Variants in UNC79 observed in about 807,000 individuals in gnomAD.
UNC79 encodes unc-79 subunit of NALCN channel complex.
UNC79 carries 37 observed loss-of-function variants against 283.1 expected under a neutral mutation model. That is an observed-to-expected ratio of 0.13 (90% confidence interval 0.10 to 0.17). The LOEUF is 0.17. UNC79 is among the 10% of genes least tolerant of loss of function. UNC79 has a pLI of 1.00. For synonymous variants in UNC79, 1,107 were observed against 1,200.2 expected (o/e 0.92, Z 1.61); for missense variants, 2,272 against 3,211.1 (o/e 0.71, Z 7.07).
chr14:93,524,126 T>G (rs1012910009), intron 8 of UNC79, 84 bp downstream of exon 8: 6 of 1,468,976 alleles, frequency 4.1e-6, no homozygotes, highest in Middle Eastern at 3.5e-4. Flanking sequence ...CATCCTTCTC[T>G]GTAAAGCAGA....
At chr14:93,442,689 C>T (rs752977524) in intron 1 of UNC79, among the ~76,000 whole-genome samples, 3 of 152,066 alleles carry the variant, frequency 2.0e-5, no homozygotes, top group Non-Finnish European at 4.4e-5. Context: ...TTTTTGTTTA[C>T]GTGGAAATAG....
chr14:93,544,086 A>G (rs977833869), intron 14 of UNC79, among the ~76,000 whole-genome samples: 6 of 152,192 alleles, frequency 3.9e-5, no homozygotes, highest in Admixed American at 2.0e-4. Context: ...ATAGTGAAGG[A>G]TTGATGTGAC....
chr14:93,594,202 C>G (rs2064891860), intron 23 of UNC79, among the ~76,000 whole-genome samples: 1 of 152,158 alleles, frequency 6.6e-6, no homozygotes, highest in African/African-American at 2.4e-5. Flanking sequence ...TGCACATTAT[C>G]TGGCCACATC....
intron 47 of UNC79, 75 bp downstream of exon 50, chr14:93,694,487 T>C: frequency 7.3e-7 from 1 of 1,367,946 alleles, no homozygotes; most frequent in Non-Finnish European, 1.0e-6. Flanking sequence ...TGAAGGTACT[T>C]TCTGAAGATA....
rs576901653 is a variant in UNC79, at chr14:93,497,475, TG to T, written c.898+191del. The stretch of plus-strand genomic sequence containing the variant: ...TTCAAATCAATTTCAAAAGCATTTA[TG>T]GCCTCAGGGCAAATTGCCTTAAGTC... On this transcript the variant is annotated intron_variant, in intron 7 of 48. Transcript: ENST00000555664. 1.0e-3 allele frequency among the ~76,000 whole-genome samples: 157 copies of T among 152,374 alleles called. 1 individual carries two copies. The highest frequency in any genetic ancestry group is 3.6e-3 in the African/African-American group (148 of 41,590).
chr14:93,683,128 A>G (rs1055604438), intron 42 of UNC79, among the ~76,000 whole-genome samples: 2 of 151,628 alleles, frequency 1.3e-5, no homozygotes, highest in East Asian at 3.8e-4. Flanking sequence ...GAATGACTAA[A>G]CTATGTTTTT....
intron 38 of UNC79, among the ~76,000 whole-genome samples, chr14:93,655,824 T>A (rs1306228681): frequency 6.6e-6 from 1 of 152,184 alleles, no homozygotes; most frequent in African/African-American, 2.4e-5. Context: ...AATTGCTGTG[T>A]TTGTGAATGA....
exon 20 of UNC79, chr14:93,582,287 C>A (rs1236222702): frequency 6.2e-7 from 1 of 1,614,180 alleles, no homozygotes; most frequent in Non-Finnish European, 8.5e-7. Context: ...GGAGGAGAAT[C>A]CTGCAAGCAA....
chr14:93,338,821 A>G (rs1161433509), intron 1 of UNC79, among the ~76,000 whole-genome samples: 2 of 152,210 alleles, frequency 1.3e-5, no homozygotes, highest in Non-Finnish European at 2.9e-5. Flanking sequence ...AGGTGGGAGG[A>G]TCATTTGAGC....
At position 93,646,662 on chromosome 14, in the gene UNC79, G is replaced by T. The variant is rs17129147; in HGVS notation, c.6083+16G>T. ...AAGCAGAAAGGTAAGGTCCTAACGGGAGCCCAGATCTCACTTTCTTTTCTC... is the reference window on the plus strand; with the variant it reads ...AAGCAGAAAGGTAAGGTCCTAACGGTAGCCCAGATCTCACTTTCTTTTCTC... On this transcript the variant is annotated intron_variant, in intron 35 of 48. Transcript: ENST00000555664. 13,556 of 1,613,232 alleles carry T rather than the reference G, an allele frequency of 8.4e-3. 693 individuals are homozygous for T. In the African/African-American group the frequency reaches 0.14, roughly 16 times the overall value.
chr14:93,686,445 A>G, intron 42 of UNC79, 127 bp from the exon 46 acceptor site: 1 of 933,816 alleles, frequency 1.1e-6, no homozygotes. Context: ...AGCTGAGAGT[A>G]ATGGAGTGAG....
At chr14:93,521,639 AAAATAGTGTTTC>A (rs1321534368) in intron 7 of UNC79, among the ~76,000 whole-genome samples, 6 of 151,820 alleles carry the variant, frequency 4.0e-5, no homozygotes, top group Non-Finnish European at 7.4e-5. Context: ...CCAGTTTCTG[AAAATAGTGTTTC>A]AAATATATAT....
At chr14:93,511,262 T>C (rs1595701689) in intron 7 of UNC79, among the ~76,000 whole-genome samples, 1 of 152,112 alleles carries the variant, frequency 6.6e-6, no homozygotes, top group East Asian at 1.9e-4. Context: ...GAGATTTGAG[T>C]GAGGAAACAA....
At chr14:93,390,038 T>A (rs2054854301) in intron 1 of UNC79, among the ~76,000 whole-genome samples, 1 of 152,190 alleles carries the variant, frequency 6.6e-6, no homozygotes, top group South Asian at 2.1e-4. Flanking sequence ...GGTTAATCTC[T>A]CTCATGAACA....
At chr14:93,398,223 G>A (rs1235897113) in intron 1 of UNC79, among the ~76,000 whole-genome samples, 1 of 152,186 alleles carries the variant, frequency 6.6e-6, no homozygotes, top group Non-Finnish European at 1.5e-5. Flanking sequence ...CAAGGGTCTT[G>A]TGATTTGGTA....
intron 6 of UNC79, among the ~76,000 whole-genome samples, chr14:93,496,880 A>G (rs1279546381): frequency 1.3e-5 from 2 of 152,212 alleles, no homozygotes; most frequent in African/African-American, 4.8e-5. Context: ...ATCTTTCTTT[A>G]GCATCAATCT....
At chr14:93,465,652 G>A (rs1030923501) in intron 1 of UNC79, among the ~76,000 whole-genome samples, 3 of 152,200 alleles carry the variant, frequency 2.0e-5, no homozygotes, top group African/African-American at 7.2e-5. Context: ...TAATCATTGT[G>A]TAGTGATGGT....
At chr14:93,612,926 C>A (rs1566775109) in exon 27 of UNC79, 1 of 1,614,134 alleles carries the variant, frequency 6.2e-7, no homozygotes, top group Non-Finnish European at 8.5e-7. Flanking sequence ...GAAAGCAGCG[C>A]TGAGTCAGAC....
intron 27 of UNC79, among the ~76,000 whole-genome samples, chr14:93,616,874 A>G (rs193260991): frequency 5.3e-5 from 8 of 152,326 alleles, no homozygotes; most frequent in East Asian, 1.9e-4. Context: ...TTTATTTTCA[A>G]TAGGTACTGA....
Sources: allele counts gnomAD v4.1 joint callset (sites outside exome capture counted in the v4.1 genomes callset), GRCh38; gene constraint gnomAD v4.1.1; transcripts MANE v1.5; gene names NCBI Gene and HGNC (gene_info 2026-07-23, HGNC 2026-07-21).